CAMKMT: variants seen among roughly 807,000 people sequenced by gnomAD.
CAMKMT encodes calmodulin-lysine N-methyltransferase.
A neutral mutation model predicts 48.0 loss-of-function variants in CAMKMT; 53 were observed. The ratio of observed to expected loss-of-function variants is 1.10; its 90% CI spans 0.89 to 1.39. CAMKMT has a LOEUF of 1.39. CAMKMT is among the 40% of genes most tolerant of loss of function. CAMKMT has a pLI of 0.00. For synonymous variants in CAMKMT, 165 were observed against 152.3 expected (o/e 1.08, Z -0.61); for missense variants, 428 against 402.7 (o/e 1.06, Z -0.54).
At chr2:44,665,940 G>A (rs1573025464) in intron 3 of CAMKMT, among the ~76,000 whole-genome samples, 2 of 152,288 alleles carry the variant, frequency 1.3e-5, no homozygotes, top group Middle Eastern at 6.8e-3. Context: ...TTTAAAGGTG[G>A]CCAAATCACT....
At chr2:44,526,293 T>G (rs560059867) in intron 3 of CAMKMT, among the ~76,000 whole-genome samples, 4 of 152,354 alleles carry the variant, frequency 2.6e-5, no homozygotes, top group African/African-American at 4.8e-5. Flanking sequence ...GAGCATTCAC[T>G]AGTAATTTCC....
intron 3 of CAMKMT, among the ~76,000 whole-genome samples, chr2:44,462,178 TACAC>T (rs1198131721): frequency 6.6e-6 from 1 of 152,080 alleles, no homozygotes. Context: ...CTAAATATAA[TACAC>T]AGGACAACTC....
intron 3 of CAMKMT, among the ~76,000 whole-genome samples, chr2:44,623,307 TG>T (rs1276304749): frequency 6.6e-6 from 1 of 152,216 alleles, no homozygotes; most frequent in Non-Finnish European, 1.5e-5. Flanking sequence ...TTTCTCTTGC[TG>T]TGCAGAAGCT....
intron 3 of CAMKMT, among the ~76,000 whole-genome samples, chr2:44,505,307 A>C (rs1273320538): frequency 2.0e-5 from 3 of 152,128 alleles, no homozygotes; most frequent in African/African-American, 7.2e-5. Context: ...TTGGATATGC[A>C]GTAGTTTGCA....
At chr2:44,736,288 A>T (rs1466697116) in intron 7 of CAMKMT, among the ~76,000 whole-genome samples, 1 of 152,166 alleles carries the variant, frequency 6.6e-6, no homozygotes, top group Non-Finnish European at 1.5e-5. Context: ...TGGCTATACA[A>T]TTCTAGGTTG....
At chr2:44,747,710 C>T (rs148001018) in intron 8 of CAMKMT, among the ~76,000 whole-genome samples, 1 of 152,354 alleles carries the variant, frequency 6.6e-6, no homozygotes, top group East Asian at 1.9e-4. Context: ...CACTAATTAA[C>T]TTCCCTATGA....
chr2:44,375,470 G>A (rs1054619034), intron 2 of CAMKMT, among the ~76,000 whole-genome samples: 1 of 151,960 alleles, frequency 6.6e-6, no homozygotes, highest in Non-Finnish European at 1.5e-5. Context: ...AATAAGGAAA[G>A]TTAACTATTC....
intron 3 of CAMKMT, among the ~76,000 whole-genome samples, chr2:44,534,118 A>C (rs1666635827): frequency 6.6e-6 from 1 of 152,204 alleles, no homozygotes; most frequent in African/African-American, 2.4e-5. Context: ...AACAGTAAAA[A>C]GACACAAAGA....
chr2:44,572,925 A>T (rs1054806414), intron 3 of CAMKMT, among the ~76,000 whole-genome samples: 1 of 152,160 alleles, frequency 6.6e-6, no homozygotes, highest in East Asian at 1.9e-4. Flanking sequence ...TTCCAATTGT[A>T]TCTCTTGTGG....
intron 3 of CAMKMT, among the ~76,000 whole-genome samples, chr2:44,655,113 G>C (rs1035163566): frequency 1.3e-5 from 2 of 152,178 alleles, no homozygotes; most frequent in African/African-American, 4.8e-5. Context: ...AGTTTTAAGA[G>C]TGGAAAATAG....
At chr2:44,729,510 G>A (rs1223256214) in intron 7 of CAMKMT, among the ~76,000 whole-genome samples, 2 of 152,192 alleles carry the variant, frequency 1.3e-5, no homozygotes, top group Admixed American at 1.3e-4. Context: ...AGGAGAGTGT[G>A]GTTGGCTGCT....
chr2:44,667,919 G>C (rs1218302526), intron 3 of CAMKMT, among the ~76,000 whole-genome samples: 1 of 152,124 alleles, frequency 6.6e-6, no homozygotes, highest in Non-Finnish European at 1.5e-5. Context: ...CCATGCCCAT[G>C]ACTAGGTATT....
At chr2:44,540,946 T>C (rs761532033) in intron 3 of CAMKMT, among the ~76,000 whole-genome samples, 1 of 152,228 alleles carries the variant, frequency 6.6e-6, no homozygotes, top group Non-Finnish European at 1.5e-5. Context: ...TCAGCAATTA[T>C]CCTAGCATCA....
intron 3 of CAMKMT, among the ~76,000 whole-genome samples, chr2:44,492,886 T>C (rs1056462901): frequency 1.7e-5 from 2 of 116,844 alleles, no homozygotes; most frequent in African/African-American, 6.4e-5. Flanking sequence ...GGACATATTG[T>C]ATCTTTTTTT....
chr2:44,596,449 AAAAAAAG>A (rs1197295212), intron 3 of CAMKMT, among the ~76,000 whole-genome samples: 10 of 152,204 alleles, frequency 6.6e-5, no homozygotes, highest in South Asian at 2.1e-4. Context: ...ACTCTGTCTC[AAAAAAAG>A]AAAAAAGAAA....
At chr2:44,493,085 C>T (rs1484406567) in intron 3 of CAMKMT, among the ~76,000 whole-genome samples, 4 of 151,838 alleles carry the variant, frequency 2.6e-5, no homozygotes, top group Admixed American at 2.0e-4. Context: ...TTAGCAGAGA[C>T]GGGGTTTCAC....
At chr2:44,638,815 T>C (rs1415640653) in intron 3 of CAMKMT, among the ~76,000 whole-genome samples, 1 of 152,184 alleles carries the variant, frequency 6.6e-6, no homozygotes, top group East Asian at 1.9e-4. Context: ...TCCCTGACCT[T>C]TGTCTGCTCC....
At chr2:44,764,478 G>T (rs1055679902) in intron 9 of CAMKMT, among the ~76,000 whole-genome samples, 1 of 152,140 alleles carries the variant, frequency 6.6e-6, no homozygotes, top group Admixed American at 6.5e-5. Flanking sequence ...CCCATTTAAT[G>T]GATGAGAAAA....
At chr2:44,475,476 C>G (rs949877368) in intron 3 of CAMKMT, among the ~76,000 whole-genome samples, 1 of 152,098 alleles carries the variant, frequency 6.6e-6, no homozygotes, top group Non-Finnish European at 1.5e-5. Flanking sequence ...TGCCACCACA[C>G]CCAGCTAATT....
Sources: allele counts gnomAD v4.1 joint callset (sites outside exome capture counted in the v4.1 genomes callset), GRCh38; gene constraint gnomAD v4.1.1; transcripts MANE v1.5; gene names NCBI Gene and HGNC (gene_info 2026-07-23, HGNC 2026-07-21).